Variants in TLR4 observed in about 807,000 individuals in gnomAD.
TLR4 encodes toll like receptor 4.
Under a neutral mutation model 27.4 loss-of-function variants are expected in TLR4, and 17 were observed. That is an observed-to-expected ratio of 0.62 (90% confidence interval 0.42 to 0.93). The LOEUF (loss-of-function observed/expected upper bound fraction) is 0.93. Among genes scored for constraint, TLR4 ranks in the 40% least tolerant of loss-of-function variants. The pLI is 0.00. For synonymous variants in TLR4, 363 were observed against 365.7 expected, an observed-to-expected ratio of 0.99 and a Z score of 0.08; for missense variants, 926 against 962.3, an observed-to-expected ratio of 0.96 and a Z score of 0.50.
chr9:117,714,401 A>G lies in TLR4; in HGVS notation c.2273A>G (p.Gln758Arg), dbSNP rs1829304185. The G allele has an allele frequency of 3.7e-6, 6 of 1,611,206 alleles. No individual in the cohort carries two copies. Among genetic ancestry groups the G allele is most frequent in the Non-Finnish European group, 5.1e-6 (6 of 1,177,630 alleles). The stretch of plus-strand genomic sequence containing the variant: ...GAATATGAGATTGCTCAGACCTGGC[A>G]GTTTCTGAGCAGTCGTGCTGGTATC... Reference protein sequence around the residue: ...IFEYEIAQTWQFLSSRAGIIF... With the variant: ...IFEYEIAQTWRFLSSRAGIIF... Residue 758 changes from glutamine (Q) to arginine (R), a missense_variant, in exon 3 of 3, where the codon CAG (glutamine) becomes CGG (arginine). Gln to Arg is a conservative substitution (Grantham distance 43). Transcript: ENST00000355622.
rs56296773 is a variant in TLR4, at chr9:117,717,594, GT to G, written c.*2949del. The stretch of plus-strand genomic sequence containing the variant: ...GAGGAACTAACATACATACATGATT[GT>G]TTATCTACAGATGTATGCCTCAGTT... On this transcript the variant is annotated 3_prime_UTR_variant, in exon 3 of 3. Transcript: ENST00000355622. 6.6e-6 allele frequency: 1 copy of G among 152,092 alleles called. No individual in the cohort carries two copies. The highest frequency in any genetic ancestry group is 2.1e-4 in the South Asian group (1 of 4,834). The allele number at this position is 152,092 out of a possible 1,614,324, so 9.4% of individuals were successfully genotyped here.
chr9:117,714,330 T>G lies in TLR4; in HGVS notation c.2202T>G (p.Ile734Met). The G allele has an allele frequency of 6.3e-7, 1 of 1,598,560 alleles. No homozygotes were observed. ...HEGFHKSRKV[I>M]VVVSQHFIQS... ...GTTTCCATAAAAGCCGAAAGGTGAT[T>G]GTTGTGGTGTCCCAGCACTTCATCC... Residue 734 changes from isoleucine (I) to methionine (M), a missense_variant, in exon 3 of 3, where the codon ATT (isoleucine) becomes ATG (methionine). Coordinates refer to ENST00000355622, the MANE Select transcript of TLR4 (RefSeq NM_138554.5).
chr9:117,708,550 G>A lies in TLR4; in HGVS notation c.94-13G>A, dbSNP rs767838558. On this transcript the variant is annotated splice_polypyrimidine_tract_variant and intron_variant, in intron 1 of 2. Coordinates refer to ENST00000355622, the MANE Select transcript of TLR4 (RefSeq NM_138554.5). ...GCAGTAAAGATACTTCATGTCATGTGTAATCATTGCAGGTGGTTCCTAATA... is the reference window on the plus strand; with the variant it reads ...GCAGTAAAGATACTTCATGTCATGTATAATCATTGCAGGTGGTTCCTAATA... The A allele has an allele frequency of 8.1e-6, 13 of 1,613,546 alleles. No individual in the cohort carries two copies. The highest frequency in any genetic ancestry group is 8.0e-5 in the African/African-American group (6 of 74,890).
At position 117,713,382 on chromosome 9, in the gene TLR4, C is replaced by T. The variant is rs1418675083; in HGVS notation, c.1254C>T (p.Phe418=). The T allele has an allele frequency of 3.1e-6, 5 of 1,613,950 alleles. No homozygotes were observed. Residue 418 remains phenylalanine (F), a synonymous_variant, in exon 3 of 3, where the codon TTC becomes TTT. Transcript: ENST00000355622. ...GTGTTATTACCATGAGTTCAAACTTCTTGGGCTTAGAACAACTAGAACATC... is the reference window on the plus strand; with the variant it reads ...GTGTTATTACCATGAGTTCAAACTTTTTGGGCTTAGAACAACTAGAACATC... ...FNGVITMSSN[F]LGLEQLEHLD...
chr9:117,709,310 G>C (rs1250232612), intron 2 of TLR4, among the ~76,000 whole-genome samples: 1 of 151,866 alleles, frequency 6.6e-6, no homozygotes, highest in South Asian at 2.1e-4. Flanking sequence ...CCTTCTCTGT[G>C]GTGGGTAGTC....
chr9:117,713,320 A>G lies in TLR4; in HGVS notation c.1192A>G (p.Thr398Ala), dbSNP rs200301169. The G allele has an allele frequency of 6.2e-6, 10 of 1,613,906 alleles. No homozygotes were observed. The highest frequency in any genetic ancestry group is 1.1e-5 in the South Asian group (1 of 91,078). The change falls in exon 3 of 3, where the codon ACA becomes GCA. Residue 398 changes from threonine to alanine, a missense_variant. Thr to Ala is a moderately conservative substitution (Grantham distance 58, BLOSUM62 0). Coordinates refer to ENST00000355622, the MANE Select transcript of TLR4 (RefSeq NM_138554.5). ...TTGCTGTTCTCAAAGTGATTTTGGGACAACCAGCCTAAAGTATTTAGATCT... is the reference window on the plus strand; with the variant it reads ...TTGCTGTTCTCAAAGTGATTTTGGGGCAACCAGCCTAAAGTATTTAGATCT... ...KGCCSQSDFGTTSLKYLDLSF... is the reference protein window; with the variant it reads ...KGCCSQSDFGATSLKYLDLSF...
rs1023995398 is a variant in TLR4 at position 117,713,581 on chromosome 9, G to A, written c.1453G>A (p.Glu485Lys). Residue 485 changes from glutamate to lysine, a missense_variant, in exon 3 of 3, where the codon GAA becomes AAA. By Grantham distance (56) the Glu-to-Lys change is moderately conservative (BLOSUM62 1). Coordinates refer to ENST00000355622, the MANE Select transcript of TLR4 (RefSeq NM_138554.5). Reference protein sequence around the residue: ...VLKMAGNSFQENFLPDIFTEL... With the variant: ...VLKMAGNSFQKNFLPDIFTEL... Reference sequence around the variant, plus strand: ...GAAAATGGCTGGCAATTCTTTCCAGGAAAACTTCCTTCCAGATATCTTCAC... The same window carrying A: ...GAAAATGGCTGGCAATTCTTTCCAGAAAAACTTCCTTCCAGATATCTTCAC... The A allele has an allele frequency of 1.9e-6, 3 of 1,613,926 alleles. No individual in the cohort carries two copies. The African/African-American group carries it at 4.0e-5, about 22-fold the overall frequency.
In TLR4 at chr9:117,720,811, C is replaced by T. The variant is rs1304477453; in HGVS notation, c.*6163C>T. 1 of 152,346 alleles carries T rather than the reference C, an allele frequency of 6.6e-6. No individual in the cohort carries two copies. The highest frequency in any genetic ancestry group is 2.4e-5 in the African/African-American group (1 of 41,430). The allele number at this position is 152,346 out of a possible 1,614,324, so 9.4% of individuals were successfully genotyped here. ...ATCCACAGCCACCCCAGGACCTTGC[C>T]CCTCCGTCTTCCTAGGGCTCGGCCG... is the stretch of plus-strand genomic sequence containing the variant. On this transcript the variant is annotated 3_prime_UTR_variant, in exon 3 of 3. Coordinates refer to ENST00000355622, the MANE Select transcript of TLR4 (RefSeq NM_138554.5).
intron 1 of TLR4, 142 bp downstream of exon 1, chr9:117,704,707 T>C (rs925352356): frequency 1.3e-6 from 1 of 795,186 alleles, no homozygotes; most frequent in African/African-American, 1.7e-5. Context: ...AGAGATCAAA[T>C]AATTCATTGT....
chr9:117,712,414 G>GTC lies in TLR4; in HGVS notation c.286_287insTC (p.Gly96ValfsTer7). ...GTGTGAAATCCAGACAATTGAAGAT[G>GTC]GGGCATATCAGAGCCTAAGCCACCT... is the stretch of plus-strand genomic sequence containing the variant. On this transcript the variant is annotated frameshift_variant, in exon 3 of 3. Coordinates refer to ENST00000355622, the MANE Select transcript of TLR4 (RefSeq NM_138554.5). LOFTEE classifies it low-confidence loss of function (END_TRUNC). 1 of 1,613,752 alleles carries GTC rather than the reference G, an allele frequency of 6.2e-7. No homozygotes were observed. The highest frequency in any genetic ancestry group is 2.2e-5 in the East Asian group (1 of 44,852).
chr9:117,706,122 C>T (rs1333751112), intron 1 of TLR4, among the ~76,000 whole-genome samples: 5 of 152,196 alleles, frequency 3.3e-5, no homozygotes, highest in Non-Finnish European at 7.4e-5. Context: ...TTTACATTTA[C>T]CACACTTCTC....
In TLR4 at chr9:117,715,567, G is replaced by A. The variant is rs1481453094; in HGVS notation, c.*919G>A. On this transcript the variant is annotated 3_prime_UTR_variant, in exon 3 of 3. Transcript: ENST00000355622. ...CATGGACAATTTGGGCTAGAGGCAG[G>A]AAGGAAGTGGGATGACCTCAGGAGG... The A allele has an allele frequency of 6.6e-6, 1 of 152,230 alleles. No individual in the cohort carries two copies. The highest frequency in any genetic ancestry group is 1.5e-5 in the Non-Finnish European group (1 of 68,036). The allele number at this position is 152,230 out of a possible 1,614,324, so 9.4% of individuals were successfully genotyped here.
chr9:117,709,671 G>A (rs745568840), intron 2 of TLR4, among the ~76,000 whole-genome samples: 3 of 152,044 alleles, frequency 2.0e-5, no homozygotes, highest in Non-Finnish European at 4.4e-5. Flanking sequence ...TTTTATTATA[G>A]AAATTATTGA....
chr9:117,712,962 G>A lies in TLR4; in HGVS notation c.834G>A (p.Glu278=). 4 of 1,614,072 alleles carry A rather than the reference G, an allele frequency of 2.5e-6. No homozygotes were observed. The highest frequency in any genetic ancestry group is 3.4e-6 in the Non-Finnish European group (4 of 1,179,980). Residue 278 remains glutamate, a synonymous_variant, in exon 3 of 3, where the codon GAG becomes GAA. Transcript: ENST00000355622. ...AAAAGTTTGACAAATCTGCTCTAGA[G>A]GGCCTGTGCAATTTGACCATTGAAG... ...NLEKFDKSAL[E]GLCNLTIEEF...
intron 1 of TLR4, 116 bp from the exon 2 acceptor site, chr9:117,708,447 T>C: frequency 6.3e-7 from 1 of 1,589,076 alleles, no homozygotes; most frequent in Non-Finnish European, 8.6e-7. Context: ...GATGAAAGGT[T>C]GACTGAATTT....
intron 2 of TLR4, among the ~76,000 whole-genome samples, 197 bp from the exon 3 acceptor site, chr9:117,712,192 A>G (rs923553386): frequency 6.6e-6 from 1 of 152,162 alleles, no homozygotes; most frequent in Non-Finnish European, 1.5e-5. Context: ...CATTGCAGCC[A>G]GTATGATAAT....
chr9:117,713,729 C>A lies in TLR4; in HGVS notation c.1601C>A (p.Ser534Ter). The A allele has an allele frequency of 2.5e-6, 4 of 1,614,018 alleles. No homozygotes were observed. Among genetic ancestry groups the A allele is most frequent in the Non-Finnish European group, 3.4e-6 (4 of 1,180,010 alleles). ...AATATGAGCCACAACAACTTCTTTT[C>A]ATTGGATACGTTTCCTTATAAGTGT... ...VLNMSHNNFF[S>*]LDTFPYKCLN... is the part of the protein sequence containing the mutation. Residue 534 changes from serine to a stop codon, truncating the protein, a stop_gained, in exon 3 of 3, where the codon TCA (serine) becomes TAA (stop). Coordinates refer to ENST00000355622, the MANE Select transcript of TLR4 (RefSeq NM_138554.5). LOFTEE classifies it high-confidence loss of function.
intron 1 of TLR4, among the ~76,000 whole-genome samples, chr9:117,705,644 G>C (rs1459662997): frequency 6.6e-6 from 1 of 152,132 alleles, no homozygotes; most frequent in African/African-American, 2.4e-5. Context: ...TCCACTGTAA[G>C]GCAGGCCCTC....
At position 117,723,794 on chromosome 9, in the gene TLR4, T is replaced by C. The variant is rs369265522; in HGVS notation, c.*9146T>C. ...TTAAAGGAGAAGAATACAGTTTCTC[T>C]AAACTCAAGCACTTTTGTGGACTAA... On this transcript the variant is annotated 3_prime_UTR_variant, in exon 3 of 3. Coordinates refer to ENST00000355622, the MANE Select transcript of TLR4 (RefSeq NM_138554.5). 67 of 152,328 alleles carry C rather than the reference T, an allele frequency of 4.4e-4. No individual in the cohort carries two copies. Among genetic ancestry groups the C allele is most frequent in the African/African-American group, 1.6e-3 (65 of 41,576 alleles). The allele number at this position is 152,328 out of a possible 1,614,324, so 9.4% of individuals were successfully genotyped here. A position where few individuals can be genotyped will look rare whatever the true frequency, so the allele number is the denominator to read the frequency against.
Sources: allele counts gnomAD v4.1 joint callset (sites outside exome capture counted in the v4.1 genomes callset), GRCh38; gene constraint gnomAD v4.1.1; transcripts MANE v1.5; gene names NCBI Gene and HGNC (gene_info 2026-07-23, HGNC 2026-07-21).